The following TSPAN8 variants were observed in gnomAD, a reference collection of about 807,000 sequenced individuals.
TSPAN8 encodes tetraspanin 8, also known as tetraspanin-8.
Under a neutral mutation model 32.8 loss-of-function variants are expected in TSPAN8, and 21 were observed. The observed-to-expected ratio is 0.64, with a 90% CI of 0.45 to 0.92. TSPAN8 has a LOEUF of 0.92. TSPAN8 is among the 40% of genes least tolerant of loss of function. TSPAN8 has a pLI of 0.00. For missense variants in TSPAN8, 269 were observed against 281.9 expected, an observed-to-expected ratio of 0.95 and a Z score of 0.33; for synonymous variants, 95 against 94.6, an observed-to-expected ratio of 1.00 and a Z score of -0.03.
chr12:71,149,236 C>T (rs1329488111), intron 2 of TSPAN8, among the ~76,000 whole-genome samples: 1 of 152,042 alleles, frequency 6.6e-6, no homozygotes, highest in Non-Finnish European at 1.5e-5. Context: ...AGTGTGGTGG[C>T]ACGTGCCTGT....
intron 2 of TSPAN8, among the ~76,000 whole-genome samples, chr12:71,147,284 T>C (rs370935645): frequency 1.3e-5 from 2 of 152,304 alleles, no homozygotes; most frequent in East Asian, 3.9e-4. Flanking sequence ...TCTTTGATAA[T>C]GTGTCTCCAA....
chr12:71,146,316 A>C (rs1872077724), intron 2 of TSPAN8, among the ~76,000 whole-genome samples: 1 of 152,180 alleles, frequency 6.6e-6, no homozygotes, highest in African/African-American at 2.4e-5. Flanking sequence ...TTGAGTGGAG[A>C]AATTCCCATG....
chr12:71,138,548 C>T lies in TSPAN8; in HGVS notation c.262-318G>A, dbSNP rs138095269. Among the ~76,000 whole-genome samples, 367 of 152,292 alleles carry T rather than the reference C, an allele frequency of 2.4e-3. 9 individuals carry two copies. In the East Asian group the frequency reaches 0.061, roughly 25 times the overall value. ...TTATTTGAGTATTATTTTACTCCTT[C>T]CCTTTCTTCATCAAACACAACCTCA... On this transcript the variant is annotated intron_variant, in intron 4 of 8. Coordinates refer to ENST00000247829, the MANE Select transcript of TSPAN8 (RefSeq NM_004616.3).
At chr12:71,127,244 G>A (rs1427401077) in intron 8 of TSPAN8, among the ~76,000 whole-genome samples, 1 of 151,560 alleles carries the variant, frequency 6.6e-6, no homozygotes, top group Admixed American at 6.6e-5. Context: ...TAGGGCAATA[G>A]GAAACTTGTA....
rs562744565 is a variant in TSPAN8 at position 71,145,135 on chromosome 12, T to A, written c.61-922A>T. On this transcript the variant is annotated intron_variant, in intron 2 of 8. Coordinates refer to ENST00000247829, the MANE Select transcript of TSPAN8 (RefSeq NM_004616.3). ...CAAATGTCCTTGGAGCATCATTGCTTTCGTGCATGGTTGAGACATACGCCT... is the reference window on the plus strand; with the variant it reads ...CAAATGTCCTTGGAGCATCATTGCTATCGTGCATGGTTGAGACATACGCCT... Among the ~76,000 whole-genome samples the A allele has an allele frequency of 5.3e-5, 8 of 152,226 alleles. No homozygotes were observed. In the East Asian group the frequency reaches 1.5e-3, roughly 29 times the overall value.
Position 71,138,006 on chromosome 12 carries a change from T to G in TSPAN8, c.391A>C (p.Thr131Pro). The G allele has an allele frequency of 6.2e-7, 1 of 1,614,076 alleles. No individual in the cohort carries two copies. Among genetic ancestry groups the G allele is most frequent in the Non-Finnish European group, 8.5e-7 (1 of 1,180,016 alleles). The part of the protein sequence containing the change: ...LYENTKLLSA[T>P]GESEKQFQEA... ...TGGAATTGTTTTTCACTTTCCCCTG[T>G]GGCGCTCAAAAGCTTTGTGTTTTCA... Residue 131 changes from threonine to proline, a missense_variant, in exon 6 of 9, where the codon ACA (threonine) becomes CCA (proline). Thr to Pro is a conservative substitution (Grantham distance 38, BLOSUM62 -1). Coordinates refer to ENST00000247829, the MANE Select transcript of TSPAN8 (RefSeq NM_004616.3).
At chr12:71,141,595 T>C (rs902474568) in intron 3 of TSPAN8, among the ~76,000 whole-genome samples, 1 of 152,150 alleles carries the variant, frequency 6.6e-6, no homozygotes, top group African/African-American at 2.4e-5. Flanking sequence ...GTGCAGCAGG[T>C]AGTGAGACAC....
chr12:71,140,128 C>T (rs1871855456), intron 3 of TSPAN8, among the ~76,000 whole-genome samples: 2 of 152,150 alleles, frequency 1.3e-5, no homozygotes, highest in East Asian at 1.9e-4. Context: ...GTTACTTTTA[C>T]TCTTCTTGAT....
chr12:71,137,323 G>T (rs1359651193), intron 6 of TSPAN8, among the ~76,000 whole-genome samples: 1 of 152,068 alleles, frequency 6.6e-6, no homozygotes, highest in East Asian at 1.9e-4. Context: ...GAGAGGCCAT[G>T]TGCGGTGGCT....
chr12:71,149,196 C>T (rs369249010), intron 2 of TSPAN8, among the ~76,000 whole-genome samples: 2 of 151,942 alleles, frequency 1.3e-5, no homozygotes, highest in African/African-American at 2.4e-5. Context: ...GAAACCTTGT[C>T]TCTACTAAAA....
intron 8 of TSPAN8, among the ~76,000 whole-genome samples, chr12:71,127,763 A>G (rs1284642741): frequency 6.6e-6 from 1 of 152,188 alleles, no homozygotes. Flanking sequence ...TATGACACAA[A>G]GGATTTCATC....
At chr12:71,136,243 G>T (rs1002861798) in intron 6 of TSPAN8, among the ~76,000 whole-genome samples, 2 of 152,046 alleles carry the variant, frequency 1.3e-5, no homozygotes, top group African/African-American at 2.4e-5. Flanking sequence ...CTGAAACTCT[G>T]GAAAAACTAG....
chr12:71,138,459 A>G (rs1439445504), intron 4 of TSPAN8, among the ~76,000 whole-genome samples: 10 of 152,200 alleles, frequency 6.6e-5, no homozygotes, highest in Admixed American at 6.5e-4. Context: ...CAAAAAAATT[A>G]TCAAAACAAC....
At chr12:71,135,014 G>C (rs1045949650) in intron 6 of TSPAN8, among the ~76,000 whole-genome samples, 1 of 152,168 alleles carries the variant, frequency 6.6e-6, no homozygotes, top group African/African-American at 2.4e-5. Context: ...CATTCCATCA[G>C]TATGTTAACA....
chr12:71,152,071 T>C (rs1393330675), intron 2 of TSPAN8, among the ~76,000 whole-genome samples: 1 of 152,244 alleles, frequency 6.6e-6, no homozygotes, highest in East Asian at 1.9e-4. Flanking sequence ...AATTGTGCTA[T>C]TATTGATGGT....
chr12:71,132,786 C>T lies in TSPAN8; in HGVS notation c.483G>A (p.Trp161Ter). The change falls in exon 7 of 9, where the codon TGG (tryptophan) becomes TGA (stop). Residue 161 changes from tryptophan (W) to a stop codon, truncating the protein, a stop_gained. Coordinates refer to ENST00000247829, the MANE Select transcript of TSPAN8 (RefSeq NM_004616.3). LOFTEE classifies it high-confidence loss of function. ...CCGLVNGAAD[W>*]GNNFQHYPEL... ...CAGGATAGTGTTGAAAATTATTTCC[C>T]CAATCAGCAGCTCCATTGACCAAAC... The T allele has an allele frequency of 6.2e-7, 1 of 1,613,908 alleles. No individual in the cohort carries two copies. The highest frequency in any genetic ancestry group is 8.5e-7 in the Non-Finnish European group (1 of 1,179,948).
intron 2 of TSPAN8, chr12:71,157,321 GA>G (rs1198723741): frequency 3.2e-6 from 1 of 316,242 alleles, no homozygotes; most frequent in Non-Finnish European, 5.9e-6. Flanking sequence ...TACAACTAAG[GA>G]AAATTGTCCT....
intron 3 of TSPAN8, among the ~76,000 whole-genome samples, chr12:71,140,051 A>G (rs900310309): frequency 4.7e-5 from 7 of 150,226 alleles, no homozygotes; most frequent in African/African-American, 1.5e-4. Flanking sequence ...CTAAAATGAT[A>G]TGATGAAAGC....
intron 6 of TSPAN8, among the ~76,000 whole-genome samples, chr12:71,135,188 GGAGGAGGAGGATAAGGAT>G: frequency 6.7e-6 from 1 of 149,320 alleles, no homozygotes; most frequent in South Asian, 2.2e-4. Flanking sequence ...TAGTGGAGAT[GGAGGAGGAGGATAAGGAT>G]GAGGAGGAGG....
Sources: gnomAD v4.1 joint callset for allele counts (sites outside exome capture counted in the v4.1 genomes callset) on GRCh38, gnomAD v4.1.1 for gene constraint, MANE v1.5 for transcripts, NCBI Gene and HGNC (gene_info 2026-07-23, HGNC 2026-07-21) for gene names.